MGST1: variants seen among roughly 807,000 people sequenced by gnomAD.
MGST1 encodes glutathione S-transferase 12.
In MGST1, 5 loss-of-function variants were observed where a neutral mutation model predicts 8.9. The observed-to-expected ratio is 0.56, with a 90% confidence interval of 0.29 to 1.19. MGST1 has a LOEUF of 1.19. Among genes scored for constraint, MGST1 ranks in the 50% most tolerant of loss-of-function variants. The pLI, the probability that MGST1 is intolerant of heterozygous loss-of-function variation, is 0.08. For synonymous variants in MGST1, 54 were observed against 67.8 expected, an observed-to-expected ratio of 0.80 and a Z score of 1.00; for missense variants, 182 against 187.4, an observed-to-expected ratio of 0.97 and a Z score of 0.17.
chr12:16,406,239 CA>C (rs1219132295), intron 1 of MGST1, among the ~76,000 whole-genome samples: 1 of 152,014 alleles, frequency 6.6e-6, no homozygotes, highest in Non-Finnish European at 1.5e-5. Context: ...AATCAATATA[CA>C]AAAATCACTA....
intron 1 of MGST1, among the ~76,000 whole-genome samples, chr12:16,415,992 C>T (rs1364277482): frequency 1.3e-5 from 2 of 151,962 alleles, no homozygotes; most frequent in African/African-American, 4.8e-5. Flanking sequence ...AGAGATTTTG[C>T]AAAAAGAGTA....
chr12:16,483,893 A>G (rs1410093644), intron 4 of MGST1, among the ~76,000 whole-genome samples: 1 of 152,208 alleles, frequency 6.6e-6, no homozygotes, highest in Non-Finnish European at 1.5e-5. Context: ...CATAAAATGC[A>G]CAGTACCTTC....
intron 3 of MGST1, chr12:16,376,111 T>A (rs1448346438): frequency 3.2e-5 from 42 of 1,302,336 alleles, no homozygotes; most frequent in Middle Eastern, 1.8e-4. Flanking sequence ...TATTTTTTTT[T>A]AATTGTTTAG....
At position 16,401,381 on chromosome 12, in the gene MGST1, G is replaced by A. The variant is rs1425654226; in HGVS notation, n.778+17777G>A. On this transcript the variant is annotated intron_variant and non_coding_transcript_variant, in intron 1 of 1. Coordinates refer to the MGST1 transcript ENST00000359720. The surrounding 1 kb of genome is among the most constrained non-coding windows in gnomAD (Gnocchi z 4.3). ...AATTCAATTCCCACCCCAAATCCTA[G>A]GTTTCTGGTAATTTTGTTCAGGAGT... is the stretch of plus-strand genomic sequence containing the variant. 1 of 1,132,724 alleles carries A rather than the reference G, an allele frequency of 8.8e-7. No homozygotes were observed. The highest frequency in any genetic ancestry group is 2.3e-5 in the East Asian group (1 of 42,636). 70.2% of individuals were successfully genotyped at this position (1,132,724 alleles called of 1,614,324 possible).
At chr12:16,448,655 T>C (rs1941102268) in intron 4 of MGST1, among the ~76,000 whole-genome samples, 1 of 151,900 alleles carries the variant, frequency 6.6e-6, no homozygotes, top group Admixed American at 6.6e-5. Flanking sequence ...AATAATCAGA[T>C]TGATGATTTC....
In MGST1 at chr12:16,391,837, G is replaced by T. The variant is rs570801873; in HGVS notation, n.778+8233G>T. On this transcript the variant is annotated intron_variant and non_coding_transcript_variant, in intron 1 of 1. Coordinates refer to the MGST1 transcript ENST00000359720. Reference sequence around the variant, plus strand: ...TTTGCTCATTCCTGTGTCCAGAAAGGTATTGCCTAGGTTGTCTTCCAAAGT... The same window carrying T: ...TTTGCTCATTCCTGTGTCCAGAAAGTTATTGCCTAGGTTGTCTTCCAAAGT... 3.1e-4 allele frequency among the ~76,000 whole-genome samples: 47 copies of T among 152,276 alleles called. No homozygotes were observed. In the East Asian group the frequency reaches 8.9e-3, roughly 29 times the overall value.
intron 4 of MGST1, among the ~76,000 whole-genome samples, chr12:16,516,780 T>C (rs1329456456): frequency 6.6e-6 from 1 of 152,174 alleles, no homozygotes; most frequent in Admixed American, 6.5e-5. Flanking sequence ...AGGTCTAGGA[T>C]GGGTTATGGC....
chr12:16,578,767 G>T (rs945300908), intron 4 of MGST1, among the ~76,000 whole-genome samples: 1 of 151,886 alleles, frequency 6.6e-6, no homozygotes, highest in Admixed American at 6.6e-5. Flanking sequence ...GCAGTGAGCC[G>T]AGATCGAGCC....
chr12:16,484,835 C>T (rs944610474), intron 4 of MGST1, among the ~76,000 whole-genome samples: 3 of 152,160 alleles, frequency 2.0e-5, no homozygotes, highest in African/African-American at 4.8e-5. Flanking sequence ...CAAACCATAT[C>T]ACTTTCCAGT....
intron 1 of MGST1, among the ~76,000 whole-genome samples, chr12:16,422,684 G>C (rs776362146): frequency 2.6e-5 from 4 of 152,134 alleles, no homozygotes; most frequent in Admixed American, 6.5e-5. Flanking sequence ...CTTAGAAACA[G>C]CTTTAATCTG....
exon 2 of MGST1, chr12:16,437,542 C>A (rs1202189176): frequency 2.0e-5 from 3 of 152,112 alleles, no homozygotes; most frequent in Non-Finnish European, 2.9e-5. Context: ...CTCTACTGAC[C>A]TCAGACTTCT....
rs956507862 is a variant in MGST1 at position 16,410,014 on chromosome 12, A to G, written n.778+26410A>G. Among the ~76,000 whole-genome samples, 1 of 152,288 alleles carries G rather than the reference A, an allele frequency of 6.6e-6. No homozygotes were observed. The highest frequency in any genetic ancestry group is 1.5e-5 in the Non-Finnish European group (1 of 68,024). On this transcript the variant is annotated intron_variant and non_coding_transcript_variant, in intron 1 of 1. Transcript: ENST00000359720. This position sits in a 1 kb window ranked among gnomAD's most constrained non-coding sequence, Gnocchi z 4.4. Reference sequence around the variant, plus strand: ...CTCCCTCGTGAGTTCTCAGCGCCAAAGTAAATTTTCTTGTATCCTGGGAAG... The same window carrying G: ...CTCCCTCGTGAGTTCTCAGCGCCAAGGTAAATTTTCTTGTATCCTGGGAAG...
At chr12:16,434,085 C>T (rs536645457) in intron 1 of MGST1, among the ~76,000 whole-genome samples, 8 of 152,210 alleles carry the variant, frequency 5.3e-5, no homozygotes, top group Admixed American at 2.6e-4. Flanking sequence ...TAAGGACCTG[C>T]ACTTCATGCG....
In MGST1 at chr12:16,399,494, C is replaced by T. The variant is rs878993455; in HGVS notation, n.778+15890C>T. On this transcript the variant is annotated intron_variant and non_coding_transcript_variant, in intron 1 of 1. Transcript: ENST00000359720. ...TTCCACTCTCTTCTTCACTACCCAA[C>T]GACTCCTTAGAAGAGTCTGACTCTT... 50 of 1,561,712 alleles carry T rather than the reference C, an allele frequency of 3.2e-5. 1 individual carries two copies. The Admixed American group carries it at 3.7e-4, about 11-fold the overall frequency.
downstream of MGST1, among the ~76,000 whole-genome samples, chr12:16,439,141 A>G (rs1941016455): frequency 6.6e-6 from 1 of 151,512 alleles, no homozygotes; most frequent in African/African-American, 2.4e-5. Context: ...ATAGAAAACT[A>G]TCTATATTCT....
intron 1 of MGST1, among the ~76,000 whole-genome samples, chr12:16,422,502 A>G (rs1292362519): frequency 6.6e-6 from 1 of 152,138 alleles, no homozygotes; most frequent in Non-Finnish European, 1.5e-5. Flanking sequence ...GGAAACACAC[A>G]TGATGCCATA....
chr12:16,561,442 T>C (rs2137341555), intron 4 of MGST1, among the ~76,000 whole-genome samples: 2 of 152,198 alleles, frequency 1.3e-5, no homozygotes, highest in African/African-American at 4.8e-5. Flanking sequence ...CATCTGCCAG[T>C]TTTCTTTTTT....
intron 4 of MGST1, among the ~76,000 whole-genome samples, chr12:16,461,838 A>C (rs560697791): frequency 6.6e-6 from 1 of 152,200 alleles, no homozygotes; most frequent in South Asian, 2.1e-4. Context: ...CGTCTTTATC[A>C]TGTATTATCG....
intron 4 of MGST1, among the ~76,000 whole-genome samples, chr12:16,507,049 A>G (rs1243923705): frequency 6.6e-6 from 1 of 152,178 alleles, no homozygotes; most frequent in Non-Finnish European, 1.5e-5. Flanking sequence ...CTGTAACCAC[A>G]TGGATTTGTG....
Sources: allele counts gnomAD v4.1 joint callset (sites outside exome capture counted in the v4.1 genomes callset), GRCh38; gene constraint gnomAD v4.1.1; non-coding constraint Gnocchi (gnomAD v3.1); transcripts MANE v1.5; gene names NCBI Gene and HGNC (gene_info 2026-07-23, HGNC 2026-07-21).